Variants in CNR2 observed in about 807,000 individuals in gnomAD.
CNR2 encodes the protein cannabinoid receptor 2 (macrophage).
For synonymous variants in CNR2, 172 were observed against 182.2 expected (o/e 0.94, Z 0.45); for missense variants, 379 against 439.9 (o/e 0.86, Z 1.24).
intron 1 of CNR2, among the ~76,000 whole-genome samples, chr1:23,910,918 C>G (rs1434204526): frequency 6.6e-6 from 1 of 152,054 alleles, no homozygotes; most frequent in Non-Finnish European, 1.5e-5. Flanking sequence ...ACTCTCTGCT[C>G]ACACTGGCTC....
chr1:23,894,432 A>T (rs78220413), intron 1 of CNR2, among the ~76,000 whole-genome samples: 377 of 5,706 alleles, frequency 0.066, 5 homozygotes, highest in African/African-American at 0.21. Context: ...AAAAAAAAAA[A>T]ATTTTTTTAA....
In CNR2 at chr1:23,875,674, TGAG is replaced by T; in HGVS notation, c.-45-15_-45-13del. 6.6e-7 allele frequency: 1 copy of T among 1,518,204 alleles called. No homozygotes were observed. The highest frequency in any genetic ancestry group is 1.3e-5 in the South Asian group (1 of 76,262). 94.0% of individuals were successfully genotyped at this position (1,518,204 alleles called of 1,614,324 possible). A position where few individuals can be genotyped will look rare whatever the true frequency, so the allele number is the denominator to read the frequency against. ...TCTAGAAGGCTTTGCTGCAGTACAATGAGAAGAAGAAAATAATCTTTTTCAGTA... is the reference window on the plus strand; with the variant it reads ...TCTAGAAGGCTTTGCTGCAGTACAATAAGAAGAAAATAATCTTTTTCAGTA... On this transcript the variant is annotated splice_polypyrimidine_tract_variant and intron_variant, in intron 1 of 1. Coordinates refer to ENST00000374472, the MANE Select transcript of CNR2 (RefSeq NM_001841.3).
At chr1:23,897,324 C>T (rs541403347) in intron 1 of CNR2, among the ~76,000 whole-genome samples, 1 of 152,240 alleles carries the variant, frequency 6.6e-6, no homozygotes, top group South Asian at 2.1e-4. Context: ...CAGAAGTTCT[C>T]AAACTTCGTG....
chr1:23,893,302 T>C (rs1640219644), intron 1 of CNR2, among the ~76,000 whole-genome samples: 1 of 152,164 alleles, frequency 6.6e-6, no homozygotes, highest in South Asian at 2.1e-4. Context: ...AAATGATGTC[T>C]GAGGCCTCTT....
At position 23,874,802 on chromosome 1, in the gene CNR2, C is replaced by T. The variant is rs200211130; in HGVS notation, c.816G>A (p.Thr272=). Residue 272 remains threonine, a synonymous_variant, in exon 2 of 2, where the codon ACG becomes ACA. Coordinates refer to ENST00000374472, the MANE Select transcript of CNR2 (RefSeq NM_001841.3). ...AGGCCTTCTTGACCTGGTCACTGAGCGTAGTGGCCAGGCTGTGGGCCATGA... is the reference window on the plus strand; with the variant it reads ...AGGCCTTCTTGACCTGGTCACTGAGTGTAGTGGCCAGGCTGTGGGCCATGA... The part of the protein sequence containing the change: ...LALMAHSLAT[T]LSDQVKKAFA... 2.1e-5 allele frequency: 34 copies of T among 1,614,140 alleles called. No individual in the cohort carries two copies. The highest frequency in any genetic ancestry group is 1.0e-4 in the Admixed American group (6 of 60,018).
intron 1 of CNR2, among the ~76,000 whole-genome samples, chr1:23,886,188 CAAA>C (rs71026697): frequency 3.8e-5 from 5 of 130,402 alleles, no homozygotes; most frequent in African/African-American, 5.8e-5. Context: ...GACTCTATTT[CAAA>C]AAAAAAAAAA....
At chr1:23,902,831 G>A in intron 1 of CNR2, 1 of 1,273,886 alleles carries the variant, frequency 7.9e-7, no homozygotes. Context: ...GCGCTGCCCG[G>A]CCTTCCTGCC....
chr1:23,905,125 T>A (rs1326660793), intron 1 of CNR2, among the ~76,000 whole-genome samples: 3 of 152,126 alleles, frequency 2.0e-5, no homozygotes, highest in Non-Finnish European at 4.4e-5. Flanking sequence ...ATACTGAAAT[T>A]GCACCTACTG....
At chr1:23,899,707 G>C (rs1164339288) in intron 1 of CNR2, among the ~76,000 whole-genome samples, 1 of 147,674 alleles carries the variant, frequency 6.8e-6, no homozygotes, top group Non-Finnish European at 1.5e-5. Context: ...CCAGCTACTC[G>C]AGAGGGGGAG....
chr1:23,903,577 CAA>C (rs112143003), intron 1 of CNR2, among the ~76,000 whole-genome samples: 28 of 130,936 alleles, frequency 2.1e-4, no homozygotes, highest in Admixed American at 2.3e-4. Context: ...CAGGCTTTGT[CAA>C]AAAAAAAAAA....
Position 23,872,792 on chromosome 1 carries a change from T to C in CNR2, c.*1743A>G, listed in dbSNP as rs1639785696. 1 of 152,222 alleles carries C rather than the reference T, an allele frequency of 6.6e-6. No homozygotes were observed. Among genetic ancestry groups the C allele is most frequent in the Admixed American group, 6.5e-5 (1 of 15,274 alleles). 9.4% of individuals were successfully genotyped at this position (152,222 alleles called of 1,614,324 possible). A position where few individuals can be genotyped will look rare whatever the true frequency, so the allele number is the denominator to read the frequency against. Reference sequence around the variant, plus strand: ...TCAATAAAAGTGAGCCGGCACATGGTAGGTCTATCCTACCGTTTATTGAGT... The same window carrying C: ...TCAATAAAAGTGAGCCGGCACATGGCAGGTCTATCCTACCGTTTATTGAGT... On this transcript the variant is annotated 3_prime_UTR_variant, in exon 2 of 2. Coordinates refer to ENST00000374472, the MANE Select transcript of CNR2 (RefSeq NM_001841.3).
rs116261591 is a variant in CNR2, at chr1:23,902,338, C to T, written c.-46+10908G>A. 1,501 of 1,569,934 alleles carry T rather than the reference C, an allele frequency of 9.6e-4. 11 individuals carry two copies. In the African/African-American group the frequency reaches 0.018, roughly 18 times the overall value. On this transcript the variant is annotated intron_variant, in intron 1 of 1. Coordinates refer to ENST00000374472, the MANE Select transcript of CNR2 (RefSeq NM_001841.3). ...CAGCAGCGCTGGGTCAGGTCGGGCT[C>T]CTCAAACAGCCGGCTCTGGGACAGC... is the stretch of plus-strand genomic sequence containing the variant.
intron 1 of CNR2, among the ~76,000 whole-genome samples, chr1:23,878,531 C>A (rs1177351149): frequency 6.6e-6 from 1 of 152,010 alleles, no homozygotes; most frequent in African/African-American, 2.4e-5. Flanking sequence ...AGGTGTGCAC[C>A]ACCATGCCCA....
At chr1:23,898,919 C>T (rs1356784186) in intron 1 of CNR2, among the ~76,000 whole-genome samples, 1 of 152,056 alleles carries the variant, frequency 6.6e-6, no homozygotes, top group Non-Finnish European at 1.5e-5. Flanking sequence ...TACCAAAGTG[C>T]TGGGATAACA....
intron 1 of CNR2, among the ~76,000 whole-genome samples, chr1:23,886,750 T>C (rs953513050): frequency 3.9e-5 from 6 of 152,208 alleles, no homozygotes; most frequent in African/African-American, 1.4e-4. Context: ...AATGGGGATA[T>C]AATTTGCCTA....
chr1:23,911,433 C>T (rs1012422911), intron 1 of CNR2, among the ~76,000 whole-genome samples: 2 of 152,126 alleles, frequency 1.3e-5, no homozygotes, highest in African/African-American at 2.4e-5. Flanking sequence ...GGGCAATGGG[C>T]ATCCATCGTA....
intron 1 of CNR2, 30 bp from the exon 2 acceptor site, chr1:23,875,692 C>A: frequency 1.3e-6 from 2 of 1,498,486 alleles, no homozygotes; most frequent in Non-Finnish European, 1.8e-6. Flanking sequence ...AGAAAATAAT[C>A]TTTTTCAGTA....
chr1:23,895,538 C>T (rs963069695), intron 1 of CNR2, among the ~76,000 whole-genome samples: 4 of 152,044 alleles, frequency 2.6e-5, no homozygotes, highest in Admixed American at 6.6e-5. Context: ...GACAGAGTCT[C>T]GCTCTATCAC....
At chr1:23,898,396 C>T (rs1210829778) in intron 1 of CNR2, among the ~76,000 whole-genome samples, 1 of 125,500 alleles carries the variant, frequency 8.0e-6, no homozygotes, top group Non-Finnish European at 1.6e-5. Context: ...GGCTGGAGTG[C>T]AGTGGTATGA....
Sources: allele counts gnomAD v4.1 joint callset (sites outside exome capture counted in the v4.1 genomes callset), GRCh38; gene constraint gnomAD v4.1.1; transcripts MANE v1.5; gene names NCBI Gene and HGNC (gene_info 2026-07-23, HGNC 2026-07-21).